The following CSMD1 variants were observed in gnomAD, a reference collection of about 807,000 sequenced individuals.
CSMD1 encodes CUB and Sushi multiple domains 1.
In CSMD1, 213 loss-of-function variants were observed where a neutral mutation model predicts 417.5. The observed-to-expected ratio is 0.51, with a 90% CI of 0.46 to 0.57. The LOEUF is 0.57. CSMD1 is among the 20% of genes least tolerant of loss of function. CSMD1 has a pLI of 0.00. For synonymous variants in CSMD1, 2,862 were observed against 1,736.8 expected (o/e 1.65, Z -16.11); for missense variants, 6,923 against 4,529.7 (o/e 1.53, Z -15.17).
chr8:4,906,287 A>C (rs897340289), intron 1 of CSMD1, among the ~76,000 whole-genome samples: 3 of 152,206 alleles, frequency 2.0e-5, no homozygotes, highest in Non-Finnish European at 4.4e-5. Flanking sequence ...CAAAACAAAT[A>C]CATTATTCAG....
chr8:3,920,263 G>A (rs894417145), intron 5 of CSMD1, among the ~76,000 whole-genome samples: 5 of 152,012 alleles, frequency 3.3e-5, no homozygotes, highest in East Asian at 1.9e-4. Flanking sequence ...TTGAACTCCT[G>A]GGCTCAAGTG....
At chr8:4,783,436 C>CT (rs1484956065) in intron 1 of CSMD1, among the ~76,000 whole-genome samples, 4 of 152,208 alleles carry the variant, frequency 2.6e-5, no homozygotes, top group Admixed American at 2.0e-4. Flanking sequence ...AGTGCTTTGG[C>CT]TTTGGTAATC....
At chr8:3,257,696 C>T (rs559463105) in intron 26 of CSMD1, among the ~76,000 whole-genome samples, 1 of 152,086 alleles carries the variant, frequency 6.6e-6, no homozygotes, top group South Asian at 2.1e-4. Context: ...CTATCAAAGA[C>T]CCTAAACGGT....
intron 51 of CSMD1, among the ~76,000 whole-genome samples, chr8:3,021,132 GC>G (rs1809340077): frequency 6.6e-6 from 1 of 152,116 alleles, no homozygotes; most frequent in Non-Finnish European, 1.5e-5. Flanking sequence ...GCGCACCTTC[GC>G]CTTCAATGGT....
At chr8:4,165,457 G>A (rs1194314083) in intron 3 of CSMD1, among the ~76,000 whole-genome samples, 1 of 152,194 alleles carries the variant, frequency 6.6e-6, no homozygotes, top group Non-Finnish European at 1.5e-5. Flanking sequence ...CCCAGGCTGA[G>A]TGCAATGGCA....
intron 6 of CSMD1, 142 bp downstream of exon 6, chr8:3,753,786 ATG>A: frequency 1.8e-6 from 1 of 553,100 alleles, no homozygotes; most frequent in South Asian, 2.2e-5. Flanking sequence ...TGTCGACTAT[ATG>A]ATTTCCAAAG....
At chr8:4,270,938 G>C (rs77896479) in intron 3 of CSMD1, among the ~76,000 whole-genome samples, 1 of 152,100 alleles carries the variant, frequency 6.6e-6, no homozygotes, top group Non-Finnish European at 1.5e-5. Context: ...GACACCCCTA[G>C]AGAGAGAGGG....
At chr8:4,294,221 A>G (rs1442245669) in intron 3 of CSMD1, among the ~76,000 whole-genome samples, 2 of 152,194 alleles carry the variant, frequency 1.3e-5, no homozygotes, top group Admixed American at 1.3e-4. Context: ...TGCGGGAGAA[A>G]CTGAACATCT....
chr8:3,309,028 A>C lies in CSMD1; in HGVS notation c.3632-525T>G, dbSNP rs191283475. Among the ~76,000 whole-genome samples, 188 of 152,040 alleles carry C rather than the reference A, an allele frequency of 1.2e-3. 1 individual carries two copies. The highest frequency in any genetic ancestry group is 4.3e-3 in the African/African-American group (180 of 41,476). Reference sequence around the variant, plus strand: ...CGTGAGCCACTGCGCCCGGCCCCTCAAGCTCTTGTTTTCCGGAGTTCCACA... The same window carrying C: ...CGTGAGCCACTGCGCCCGGCCCCTCCAGCTCTTGTTTTCCGGAGTTCCACA... On this transcript the variant is annotated intron_variant, in intron 23 of 69. Coordinates refer to ENST00000635120, the MANE Select transcript of CSMD1 (RefSeq NM_033225.6).
chr8:4,316,648 C>G (rs1297042058), intron 3 of CSMD1, among the ~76,000 whole-genome samples: 1 of 152,016 alleles, frequency 6.6e-6, no homozygotes, highest in Non-Finnish European at 1.5e-5. Flanking sequence ...ATGGGGTACA[C>G]TGTGTCAAGA....
At chr8:3,808,826 G>A (rs997125545) in intron 5 of CSMD1, among the ~76,000 whole-genome samples, 9 of 152,302 alleles carry the variant, frequency 5.9e-5, no homozygotes, top group African/African-American at 1.7e-4. Flanking sequence ...GTAGAGCAAG[G>A]CTATTTATTT....
At chr8:3,136,281 G>C (rs1413436794) in intron 41 of CSMD1, among the ~76,000 whole-genome samples, 2 of 142,616 alleles carry the variant, frequency 1.4e-5, no homozygotes, top group Non-Finnish European at 3.0e-5. Flanking sequence ...CCCCGAGATA[G>C]AGTTTCGCTC....
intron 1 of CSMD1, among the ~76,000 whole-genome samples, chr8:4,872,763 A>T (rs887135136): frequency 1.3e-5 from 2 of 152,252 alleles, no homozygotes; most frequent in African/African-American, 4.8e-5. Flanking sequence ...TATCTTGCAC[A>T]TTTATAATTC....
intron 3 of CSMD1, among the ~76,000 whole-genome samples, chr8:4,041,613 C>G (rs1455662140): frequency 6.6e-6 from 1 of 151,728 alleles, no homozygotes; most frequent in Admixed American, 6.6e-5. Context: ...AATAAGCACG[C>G]AAAAAAGTAA....
chr8:3,877,157 T>G (rs1340993326), intron 5 of CSMD1, among the ~76,000 whole-genome samples: 1 of 152,194 alleles, frequency 6.6e-6, no homozygotes, highest in African/African-American at 2.4e-5. Flanking sequence ...TCCCTTCCTC[T>G]ACCTTTCCTA....
chr8:2,983,016 G>T (rs1203736469), intron 54 of CSMD1, among the ~76,000 whole-genome samples: 2 of 152,024 alleles, frequency 1.3e-5, no homozygotes, highest in Non-Finnish European at 2.9e-5. Context: ...AACTTTGCAG[G>T]ATTCGTATCT....
intron 2 of CSMD1, among the ~76,000 whole-genome samples, chr8:4,551,845 A>T (rs957544751): frequency 7.8e-5 from 11 of 141,138 alleles, no homozygotes; most frequent in African/African-American, 2.7e-4. Flanking sequence ...CACATGGCTA[A>T]TTTTTTGTAT....
chr8:4,683,146 T>C (rs1339194869), intron 1 of CSMD1, among the ~76,000 whole-genome samples: 2 of 151,782 alleles, frequency 1.3e-5, no homozygotes, highest in African/African-American at 4.8e-5. Flanking sequence ...TATGGTCAGT[T>C]CTGATCTGTT....
chr8:3,750,558 T>C lies in CSMD1; in HGVS notation c.931+3372A>G, dbSNP rs565821924. On this transcript the variant is annotated intron_variant, in intron 6 of 69. Transcript: ENST00000635120. ...CAAATAATATCAGGCTTTCCTTCTT[T>C]AATGTATTTAGTTCAGATAAAAGGT... Among the ~76,000 whole-genome samples, 219 of 152,318 alleles carry C rather than the reference T, an allele frequency of 1.4e-3. 2 individuals are homozygous for C. The highest frequency in any genetic ancestry group is 1.9e-3 in the South Asian group (9 of 4,830).
Sources: gnomAD v4.1 joint callset for allele counts (sites outside exome capture counted in the v4.1 genomes callset) on GRCh38, gnomAD v4.1.1 for gene constraint, MANE v1.5 for transcripts, NCBI Gene and HGNC (gene_info 2026-07-23, HGNC 2026-07-21) for gene names.